The following FGF10 variants were observed in gnomAD, a reference collection of about 807,000 sequenced individuals.
The protein encoded by FGF10 is FGF-10.
A neutral mutation model predicts 19.8 loss-of-function variants in FGF10; 2 were observed. The observed-to-expected ratio is 0.10, with a 90% CI of 0.04 to 0.32. The LOEUF (loss-of-function observed/expected upper bound fraction) is 0.32. Among genes scored for constraint, FGF10 ranks in the 10% least tolerant of loss-of-function variants. FGF10 has a pLI of 1.00. For synonymous variants in FGF10, 112 were observed against 94.0 expected, an observed-to-expected ratio of 1.19 and a Z score of -1.10; for missense variants, 191 against 246.3, an observed-to-expected ratio of 0.78 and a Z score of 1.50.
intron 1 of FGF10, among the ~76,000 whole-genome samples, chr5:44,346,164 T>A (rs1042908653): frequency 6.6e-6 from 1 of 151,762 alleles, no homozygotes; most frequent in African/African-American, 2.4e-5. Flanking sequence ...TTTCCTCTTA[T>A]CTATGTACCT....
At chr5:44,330,866 C>A (rs552367705) in intron 1 of FGF10, among the ~76,000 whole-genome samples, 35 of 152,194 alleles carry the variant, frequency 2.3e-4, no homozygotes, top group Non-Finnish European at 2.9e-5. Flanking sequence ...CTTCATTGAT[C>A]AGACGTCATT....
chr5:44,367,644 A>T (rs1462625265), intron 1 of FGF10, among the ~76,000 whole-genome samples: 1 of 152,012 alleles, frequency 6.6e-6, no homozygotes, highest in Non-Finnish European at 1.5e-5. Flanking sequence ...ACACTCTAGG[A>T]TTGTTTTGAG....
rs578244273 is a variant in FGF10 at position 44,300,545 on chromosome 5, A to G, written c.*4450T>C. Among the ~76,000 whole-genome samples, 3 of 152,322 alleles carry G rather than the reference A, an allele frequency of 2.0e-5. No homozygotes were observed. The highest frequency in any genetic ancestry group is 7.2e-5 in the African/African-American group (3 of 41,590). ...TGCAAATGTAATCTTTCAATGGTAA[A>G]GAACATATGAAAGAGAATGATCTTA... On this transcript the variant is annotated 3_prime_UTR_variant, in exon 3 of 3. Transcript: ENST00000264664.
At chr5:44,331,432 G>A (rs1740734174) in intron 1 of FGF10, among the ~76,000 whole-genome samples, 1 of 152,098 alleles carries the variant, frequency 6.6e-6, no homozygotes, top group African/African-American at 2.4e-5. Flanking sequence ...AAGAGAAAGA[G>A]GAAAAGGAAA....
At position 44,388,392 on chromosome 5, in the gene FGF10, C is replaced by A. The variant is rs1742158663; in HGVS notation, c.291G>T (p.Lys97Asn). The change falls in exon 1 of 3, where the codon AAG (lysine) becomes AAT (asparagine). Residue 97 changes from lysine to asparagine, a missense_variant. Transcript: ENST00000264664. Reference protein sequence around the residue: ...KYFLKIEKNGKVSGTKKENCP... With the variant: ...KYFLKIEKNGNVSGTKKENCP... ...AGTTCTCCTTCTTGGTCCCGCTGAC[C>A]TTCCCGTTCTTCTCAATCTTGAGAA... 3.1e-6 allele frequency: 5 copies of A among 1,613,644 alleles called. No homozygotes were observed. In the South Asian group the frequency reaches 4.4e-5, roughly 14 times the overall value.
At position 44,388,819 on chromosome 5, in the gene FGF10, A is replaced by T. The variant is rs1006855006; in HGVS notation, c.-137T>A. ...CCCTCTGGGCGCGGATCTGGCCAGA[A>T]GTGAATGCACCAACATCCATAACTC... On this transcript the variant is annotated 5_prime_UTR_variant, in exon 1 of 3. Coordinates refer to ENST00000264664, the MANE Select transcript of FGF10 (RefSeq NM_004465.2). The T allele has an allele frequency of 2.4e-6, 2 of 833,942 alleles. No homozygotes were observed. The allele number at this position is 833,942 out of a possible 1,614,324, so 51.7% of individuals were successfully genotyped here.
intron 1 of FGF10, among the ~76,000 whole-genome samples, chr5:44,314,791 A>G (rs560773644): frequency 6.6e-5 from 10 of 152,128 alleles, no homozygotes; most frequent in Non-Finnish European, 1.2e-4. Flanking sequence ...ATCATGTTGG[A>G]CAAAGGCTTC....
At chr5:44,344,379 T>A (rs995265801) in intron 1 of FGF10, among the ~76,000 whole-genome samples, 2 of 151,112 alleles carry the variant, frequency 1.3e-5, no homozygotes, top group African/African-American at 2.5e-5. Context: ...ATTGTATTTG[T>A]TACTAGGGTA....
intron 1 of FGF10, among the ~76,000 whole-genome samples, chr5:44,380,325 C>G (rs1391101027): frequency 5.3e-5 from 8 of 152,110 alleles, no homozygotes; most frequent in Non-Finnish European, 1.2e-4. Flanking sequence ...TAGTCAGATT[C>G]TGCATATGAT....
At chr5:44,324,432 C>T (rs552269882) in intron 1 of FGF10, among the ~76,000 whole-genome samples, 4 of 152,198 alleles carry the variant, frequency 2.6e-5, no homozygotes, top group South Asian at 2.1e-4. Flanking sequence ...TTCTTTTTAA[C>T]GTACCTGGGT....
intron 1 of FGF10, among the ~76,000 whole-genome samples, chr5:44,380,831 A>G (rs1741968697): frequency 6.6e-6 from 1 of 152,098 alleles, no homozygotes; most frequent in Non-Finnish European, 1.5e-5. Context: ...ACGAACAAAC[A>G]AAAATCAGCA....
At chr5:44,364,921 C>T (rs560508837) in intron 1 of FGF10, among the ~76,000 whole-genome samples, 4 of 151,970 alleles carry the variant, frequency 2.6e-5, no homozygotes, top group African/African-American at 9.6e-5. Context: ...AATTACTTCT[C>T]ATGCTTACTG....
At chr5:44,311,459 C>T (rs1267573603) in intron 1 of FGF10, among the ~76,000 whole-genome samples, 1 of 152,006 alleles carries the variant, frequency 6.6e-6, no homozygotes, top group African/African-American at 2.4e-5. Context: ...CCTCTGGAGC[C>T]AAAATGTCTG....
At chr5:44,326,837 T>C (rs752895420) in intron 1 of FGF10, among the ~76,000 whole-genome samples, 1 of 152,152 alleles carries the variant, frequency 6.6e-6, no homozygotes, top group Non-Finnish European at 1.5e-5. Context: ...TGAAAAGTAC[T>C]TGTTTCAACT....
chr5:44,378,871 C>T (rs776070276), intron 1 of FGF10, among the ~76,000 whole-genome samples: 1 of 152,160 alleles, frequency 6.6e-6, no homozygotes, highest in East Asian at 1.9e-4. Flanking sequence ...GAGGAAGCAT[C>T]GTATTTACTT....
intron 1 of FGF10, among the ~76,000 whole-genome samples, chr5:44,367,078 T>C (rs2111872987): frequency 6.6e-6 from 1 of 152,170 alleles, no homozygotes; most frequent in Non-Finnish European, 1.5e-5. Context: ...TAAAAATCTT[T>C]GATATTAAAC....
chr5:44,314,931 T>C (rs989363240), intron 1 of FGF10, among the ~76,000 whole-genome samples: 4 of 152,086 alleles, frequency 2.6e-5, no homozygotes, highest in Non-Finnish European at 5.9e-5. Context: ...AGAATGGATA[T>C]AGACAAGGAA....
chr5:44,344,568 C>CTGTG (rs1166640935), intron 1 of FGF10, among the ~76,000 whole-genome samples: 22,676 of 126,742 alleles, frequency 0.18, 2,319 homozygotes, highest in Admixed American at 0.28. Flanking sequence ...TTTGTTTTCT[C>CTGTG]TGTGTGTGTG....
In FGF10 at chr5:44,378,524, C is replaced by T. The variant is rs528389576; in HGVS notation, c.325+9834G>A. On this transcript the variant is annotated intron_variant, in intron 1 of 2. Transcript: ENST00000264664. ...TCGGCTCAGTGCAAGCTCTGCCTCCCGGGTTCACACCATTCTCCTGCCTCA... is the reference window on the plus strand; with the variant it reads ...TCGGCTCAGTGCAAGCTCTGCCTCCTGGGTTCACACCATTCTCCTGCCTCA... Among the ~76,000 whole-genome samples, 603 of 152,270 alleles carry T rather than the reference C, an allele frequency of 4.0e-3. 10 individuals are homozygous for T. Among genetic ancestry groups the T allele is most frequent in the African/African-American group, 0.013 (539 of 41,552 alleles).
Sources: allele counts gnomAD v4.1 joint callset (sites outside exome capture counted in the v4.1 genomes callset), GRCh38; gene constraint gnomAD v4.1.1; transcripts MANE v1.5; gene names NCBI Gene and HGNC (gene_info 2026-07-23, HGNC 2026-07-21).